ANKS1A: variants seen among roughly 807,000 people sequenced by gnomAD.
ANKS1A encodes ankyrin repeat and sterile alpha motif domain containing 1A, also known as ankyrin repeat and SAM domain-containing protein 1A.
A neutral mutation model predicts 120.3 loss-of-function variants in ANKS1A; 55 were observed. The ratio of observed to expected loss-of-function variants is 0.46; its 90% CI spans 0.37 to 0.57. The LOEUF (loss-of-function observed/expected upper bound fraction) is 0.57, where lower values mean the gene tolerates loss of function less well. Ranked by LOEUF, ANKS1A falls within the 20% of genes least tolerant of loss-of-function variation. ANKS1A has a pLI of 0.00. For synonymous variants in ANKS1A, 590 were observed against 604.7 expected, an observed-to-expected ratio of 0.98 and a Z score of 0.36; for missense variants, 1,123 against 1,480.3, an observed-to-expected ratio of 0.76 and a Z score of 3.96.
chr6:34,914,079 A>C (rs1039442714), intron 1 of ANKS1A, among the ~76,000 whole-genome samples: 1 of 151,696 alleles, frequency 6.6e-6, no homozygotes, highest in South Asian at 2.1e-4. Context: ...CACCACGCCC[A>C]GCTAATTTTG....
chr6:35,067,884 CAAT>C (rs1292173081), intron 13 of ANKS1A, among the ~76,000 whole-genome samples: 31 of 97,562 alleles, frequency 3.2e-4, no homozygotes, highest in African/African-American at 1.1e-3. Context: ...ACTTCATTTT[CAAT>C]TTTTTTTTTT....
Position 35,084,339 on chromosome 6 carries a change from C to T in ANKS1A, c.3132+81C>T, listed in dbSNP as rs532367066. On this transcript the variant is annotated intron_variant, in intron 21 of 23. Transcript: ENST00000360359. This position sits in a 1 kb window ranked among gnomAD's most constrained non-coding sequence, Gnocchi z 4.8. ...CCAGCCCCATTGCAGGGCACAGATG[C>T]GGCGCTGTCCTGGCCCCTGGCCAGT... 93 of 1,550,886 alleles carry T rather than the reference C, an allele frequency of 6.0e-5. No individual in the cohort carries two copies. In the Middle Eastern group the frequency reaches 6.8e-4, roughly 11 times the overall value.
At chr6:35,073,212 A>G (rs981010257) in intron 13 of ANKS1A, among the ~76,000 whole-genome samples, 1 of 152,164 alleles carries the variant, frequency 6.6e-6, no homozygotes, top group Non-Finnish European at 1.5e-5. Context: ...GTCACCTCCC[A>G]CAAAGCCCGG....
At chr6:34,908,066 C>T (rs762733910) in intron 1 of ANKS1A, among the ~76,000 whole-genome samples, 4 of 152,080 alleles carry the variant, frequency 2.6e-5, no homozygotes, top group South Asian at 2.1e-4. Context: ...GTAGTAATGA[C>T]GGCTGCTAAT....
At chr6:34,998,772 T>G (rs1447841974) in intron 10 of ANKS1A, among the ~76,000 whole-genome samples, 1 of 152,288 alleles carries the variant, frequency 6.6e-6, no homozygotes, top group South Asian at 2.1e-4. Context: ...TCCCAGCTGA[T>G]TAAAGCCACT....
chr6:35,036,008 T>C (rs1221210947), intron 11 of ANKS1A, among the ~76,000 whole-genome samples: 1 of 152,240 alleles, frequency 6.6e-6, no homozygotes, highest in East Asian at 1.9e-4. Flanking sequence ...GCATCCTTAA[T>C]TCTAGTGAAT....
At chr6:34,975,299 C>T (rs978270242) in intron 3 of ANKS1A, among the ~76,000 whole-genome samples, 4 of 151,824 alleles carry the variant, frequency 2.6e-5, no homozygotes, top group Non-Finnish European at 2.9e-5. Flanking sequence ...ACTAAAAATA[C>T]AAAAATTAGC....
At chr6:34,916,648 C>T (rs527898165) in intron 1 of ANKS1A, among the ~76,000 whole-genome samples, 39 of 152,224 alleles carry the variant, frequency 2.6e-4, no homozygotes, top group African/African-American at 8.4e-4. Context: ...AAAAGTCTTC[C>T]TTTTGCCTCT....
chr6:34,971,316 G>A lies in ANKS1A; in HGVS notation c.435+1150G>A, dbSNP rs561225705. ...CAAAAATAACCGTATAATGGCCATG[G>A]ATTTAGTTACTCTGAGAATATACCT... On this transcript the variant is annotated intron_variant, in intron 3 of 23. Transcript: ENST00000360359. Among the ~76,000 whole-genome samples, 10 of 152,286 alleles carry A rather than the reference G, an allele frequency of 6.6e-5. No individual in the cohort carries two copies. The East Asian group carries it at 1.9e-3, about 29-fold the overall frequency.
chr6:35,092,320 C>T (rs1370636823), downstream of ANKS1A, among the ~76,000 whole-genome samples: 1 of 152,166 alleles, frequency 6.6e-6, no homozygotes, highest in Admixed American at 6.5e-5. Context: ...AAAGAAAATT[C>T]ACTTATCTAG....
intron 10 of ANKS1A, among the ~76,000 whole-genome samples, chr6:35,003,526 T>C (rs969220769): frequency 2.6e-5 from 4 of 152,198 alleles, no homozygotes; most frequent in African/African-American, 9.7e-5. Flanking sequence ...CCCGTACAAG[T>C]GTAGCATGGA....
chr6:34,935,527 A>G (rs768563931), intron 1 of ANKS1A, among the ~76,000 whole-genome samples: 24 of 152,356 alleles, frequency 1.6e-4, no homozygotes, highest in Non-Finnish European at 3.1e-4. Context: ...TGTACTTGAA[A>G]TATGAGAAAG....
At chr6:35,041,747 C>T (rs1182672094) in intron 11 of ANKS1A, among the ~76,000 whole-genome samples, 1 of 152,212 alleles carries the variant, frequency 6.6e-6, no homozygotes, top group Admixed American at 6.5e-5. Flanking sequence ...GAAGCCAGGG[C>T]TTGTTGCTCT....
intron 12 of ANKS1A, among the ~76,000 whole-genome samples, chr6:35,055,684 C>T (rs1210217451): frequency 6.6e-6 from 1 of 152,222 alleles, no homozygotes; most frequent in Non-Finnish European, 1.5e-5. Flanking sequence ...ACCTAGAGAA[C>T]AGAGGCTTCT....
intron 12 of ANKS1A, among the ~76,000 whole-genome samples, chr6:35,055,131 G>A (rs1181444887): frequency 6.6e-6 from 1 of 152,198 alleles, no homozygotes; most frequent in Non-Finnish European, 1.5e-5. Flanking sequence ...CAGGGAGAAA[G>A]GAACATCAGA....
rs151198507 is a variant in ANKS1A, at chr6:35,023,055, G to A, written c.2010+4996G>A. Among the ~76,000 whole-genome samples the A allele has an allele frequency of 9.1e-4, 138 of 152,156 alleles. 1 individual carries two copies. The highest frequency in any genetic ancestry group is 3.3e-3 in the African/African-American group (135 of 41,510). On this transcript the variant is annotated intron_variant, in intron 11 of 23. Coordinates refer to ENST00000360359, the MANE Select transcript of ANKS1A (RefSeq NM_015245.3). ...ACCCTTTTCTATCTGCTTATGTGTC[G>A]TGCATTAATAGGCCAAGGGGTTGTT...
chr6:34,969,920 G>A, intron 2 of ANKS1A, 90 bp from the exon 3 acceptor site: 1 of 1,465,344 alleles, frequency 6.8e-7, no homozygotes, highest in Non-Finnish European at 9.2e-7. Flanking sequence ...AGATATCTGT[G>A]AAAGGGCTTT....
At chr6:35,010,733 T>C (rs1345811383) in intron 10 of ANKS1A, among the ~76,000 whole-genome samples, 1 of 152,192 alleles carries the variant, frequency 6.6e-6, no homozygotes, top group African/African-American at 2.4e-5. Context: ...TGGTAAAGCC[T>C]AAATGGGGTC....
intron 1 of ANKS1A, among the ~76,000 whole-genome samples, chr6:34,925,117 AC>A (rs1453756625): frequency 2.0e-5 from 3 of 152,118 alleles, no homozygotes; most frequent in African/African-American, 7.2e-5. Context: ...GACTTAATTC[AC>A]CTTACTGGTC....
Sources: gnomAD v4.1 joint callset for allele counts (sites outside exome capture counted in the v4.1 genomes callset) on GRCh38, gnomAD v4.1.1 for gene constraint, Gnocchi (gnomAD v3.1) non-coding constraint, MANE v1.5 for transcripts, NCBI Gene and HGNC (gene_info 2026-07-23, HGNC 2026-07-21) for gene names.